SPATA13: variants seen among roughly 807,000 people sequenced by gnomAD.
SPATA13 encodes the protein spermatogenesis-associated protein 13.
SPATA13 carries 50 observed loss-of-function variants against 104.0 expected under a neutral mutation model. That is an observed-to-expected ratio of 0.48 (90% CI 0.38 to 0.61). The LOEUF is 0.61. Among genes scored for constraint, SPATA13 ranks in the 20% least tolerant of loss-of-function variants. The pLI, the probability that SPATA13 is intolerant of heterozygous loss-of-function variation, is 0.00. For missense variants in SPATA13, 1,524 were observed against 1,690.6 expected (o/e 0.90, Z 1.73); for synonymous variants, 606 against 667.5 (o/e 0.91, Z 1.42).
In SPATA13 at chr13:24,302,605, C is replaced by T; in HGVS notation, c.3666C>T (p.Asn1222=). The T allele has an allele frequency of 6.2e-7, 1 of 1,605,670 alleles. No individual in the cohort carries two copies. Among genetic ancestry groups the T allele is most frequent in the Non-Finnish European group, 8.5e-7 (1 of 1,174,886 alleles). The stretch of plus-strand genomic sequence containing the variant: ...TCTCCCCTCCCGAGTCAGGCTACAA[C>T]AGGTGCCCTGTGGCCCCACCGCACC... ...KAGHGKSKGY[N]RCPVAPPHQG... is the part of the protein sequence containing the mutation. The change falls in exon 13 of 13, where the codon AAC becomes AAT. Residue 1222 remains asparagine, a synonymous_variant. Coordinates refer to ENST00000382108, the MANE Select transcript of SPATA13 (RefSeq NM_001166271.3).
chr13:24,285,436 G>T (rs1335282635), intron 5 of SPATA13, among the ~76,000 whole-genome samples: 1 of 152,088 alleles, frequency 6.6e-6, no homozygotes, highest in Non-Finnish European at 1.5e-5. Context: ...CAGAATTCAA[G>T]TTTGCTAGAT....
At chr13:24,102,469 G>T in intron 3 of SPATA13, among the ~76,000 whole-genome samples, 1 of 130,530 alleles carries the variant, frequency 7.7e-6, no homozygotes, top group African/African-American at 2.7e-5. Flanking sequence ...TTGCTTCACA[G>T]AATTTCTTTT....
intron 3 of SPATA13, among the ~76,000 whole-genome samples, chr13:24,053,977 G>A (rs983974587): frequency 6.6e-6 from 1 of 152,188 alleles, no homozygotes. Flanking sequence ...AAAAATGAGA[G>A]AGCCACAGCT....
intron 3 of SPATA13, among the ~76,000 whole-genome samples, chr13:24,143,347 C>T (rs1881822405): frequency 6.6e-6 from 1 of 152,112 alleles, no homozygotes. Flanking sequence ...TCCCATTTTT[C>T]CCCAATATTA....
At chr13:24,075,683 T>A (rs2137771539) in intron 3 of SPATA13, among the ~76,000 whole-genome samples, 1 of 152,346 alleles carries the variant, frequency 6.6e-6, no homozygotes, top group Middle Eastern at 3.4e-3. Context: ...GAAACATGAC[T>A]GTTGTCTGTA....
At chr13:24,081,942 G>C (rs1357905640) in intron 3 of SPATA13, among the ~76,000 whole-genome samples, 3 of 152,188 alleles carry the variant, frequency 2.0e-5, no homozygotes. Flanking sequence ...CTATTCCCAG[G>C]AGTGGGATTG....
rs1453946500 is a variant in SPATA13, at chr13:24,051,692, G to C, written c.-112+33991G>C. Among the ~76,000 whole-genome samples, 2 of 152,146 alleles carry C rather than the reference G, an allele frequency of 1.3e-5. No homozygotes were observed. Among genetic ancestry groups the C allele is most frequent in the Non-Finnish European group, 2.9e-5 (2 of 68,034 alleles). On this transcript the variant is annotated intron_variant, in intron 3 of 14. Transcript: ENST00000424834. The surrounding 1 kb of genome is among the most constrained non-coding windows in gnomAD (Gnocchi z 4.2). ...GAAGCTGAGAAGAGATTACACAGAG[G>C]AGATGATATGAGGCGAATCTTCAGA...
At chr13:24,132,021 G>C (rs1881402502) in intron 3 of SPATA13, among the ~76,000 whole-genome samples, 1 of 152,218 alleles carries the variant, frequency 6.6e-6, no homozygotes, top group Admixed American at 6.5e-5. Flanking sequence ...CAGCCAATGA[G>C]ATGCGCTTGA....
intron 3 of SPATA13, among the ~76,000 whole-genome samples, chr13:24,133,926 G>T (rs1260940542): frequency 6.6e-6 from 1 of 152,226 alleles, no homozygotes; most frequent in African/African-American, 2.4e-5. Flanking sequence ...CCAGAGTGGG[G>T]GTTTCGTGAG....
At chr13:24,242,334 G>C (rs1872886948) in intron 2 of SPATA13, among the ~76,000 whole-genome samples, 1 of 152,214 alleles carries the variant, frequency 6.6e-6, no homozygotes, top group South Asian at 2.1e-4. Context: ...AAATAGCCCA[G>C]AGAAATACAT....
chr13:24,129,111 G>T (rs534898791), intron 3 of SPATA13, among the ~76,000 whole-genome samples: 13 of 152,368 alleles, frequency 8.5e-5, no homozygotes, highest in Non-Finnish European at 1.3e-4. Flanking sequence ...ATACTTTAAA[G>T]AAGTGGCTTC....
Position 24,278,895 on chromosome 13 carries a change from TC to T in SPATA13, c.2165-5238del, listed in dbSNP as rs1340156938. ...TTCTTTCCTTCCTTCCTTCCTTCCT[TC>T]CTTCCTTCCTTCCTTCCTTCCTTCC... On this transcript the variant is annotated intron_variant, in intron 4 of 12. Transcript: ENST00000382108. 2.0e-3 allele frequency: 2,208 copies of T among 1,124,294 alleles called. 36 individuals are homozygous for T. In the African/African-American group the frequency reaches 0.035, roughly 18 times the overall value. 69.6% of individuals were successfully genotyped at this position (1,124,294 alleles called of 1,614,324 possible).
In SPATA13 at chr13:24,223,799, G is replaced by A. The variant is rs1380213204; in HGVS notation, c.870G>A (p.Leu290=). Residue 290 remains leucine, a synonymous_variant, in exon 2 of 13, where the codon CTG becomes CTA. Transcript: ENST00000382108. ...AHDARVPQRT[L]SSSSTDSQKL... ...ACGCACGGGTACCACAGAGGACCCT[G>A]AGCAGTTCCTCCACTGACTCCCAAA... 1 of 1,551,816 alleles carries A rather than the reference G, an allele frequency of 6.4e-7. No homozygotes were observed. Among genetic ancestry groups the A allele is most frequent in the South Asian group, 1.2e-5 (1 of 84,058 alleles).
chr13:24,276,755 C>T (rs890534122), intron 4 of SPATA13, among the ~76,000 whole-genome samples: 2 of 152,130 alleles, frequency 1.3e-5, no homozygotes, highest in Non-Finnish European at 1.5e-5. Context: ...TCAAAATTCC[C>T]TTAGATAAGA....
chr13:24,024,331 TTGGATGGATGGATGAATGGATGGACGGA>T (rs1877108720), intron 3 of SPATA13, among the ~76,000 whole-genome samples: 1 of 147,824 alleles, frequency 6.8e-6, no homozygotes, highest in Admixed American at 6.9e-5. Flanking sequence ...TAACTATTTA[TTGGATGGATGGATGAATGGATGGACGGA>T]TGGATGGATG....
intron 3 of SPATA13, among the ~76,000 whole-genome samples, chr13:24,139,740 T>C (rs1248531196): frequency 1.3e-5 from 2 of 152,250 alleles, no homozygotes; most frequent in Non-Finnish European, 2.9e-5. Flanking sequence ...TAGAACGATC[T>C]GCTTAATTGA....
chr13:24,271,197 T>C (rs544709534), intron 4 of SPATA13, among the ~76,000 whole-genome samples: 1 of 152,194 alleles, frequency 6.6e-6, no homozygotes, highest in South Asian at 2.1e-4. Flanking sequence ...GCACAGTTGC[T>C]TGTTTGGAGT....
At chr13:24,229,409 TCTC>T (rs1872135756) in intron 2 of SPATA13, among the ~76,000 whole-genome samples, 1 of 152,178 alleles carries the variant, frequency 6.6e-6, no homozygotes, top group African/African-American at 2.4e-5. Flanking sequence ...CTGTTGAACT[TCTC>T]CTGCCGTGGG....
At chr13:24,151,891 A>G in intron 3 of SPATA13, among the ~76,000 whole-genome samples, 1 of 152,238 alleles carries the variant, frequency 6.6e-6, no homozygotes, top group East Asian at 1.9e-4. Flanking sequence ...TGCTTGATTA[A>G]TTTAGCTAAC....
Sources: allele counts gnomAD v4.1 joint callset (sites outside exome capture counted in the v4.1 genomes callset), GRCh38; gene constraint gnomAD v4.1.1; non-coding constraint Gnocchi (gnomAD v3.1); transcripts MANE v1.5; gene names NCBI Gene and HGNC (gene_info 2026-07-23, HGNC 2026-07-21).